The following SNTG1 variants were observed in gnomAD, a reference collection of about 807,000 sequenced individuals.
SNTG1 encodes syntrophin gamma 1, also known as gamma-1-syntrophin.
A neutral mutation model predicts 74.7 loss-of-function variants in SNTG1; 39 were observed. The ratio of observed to expected loss-of-function variants is 0.52; its 90% CI spans 0.40 to 0.68. The LOEUF (loss-of-function observed/expected upper bound fraction) is 0.68, where lower values mean the gene tolerates loss of function less well. SNTG1 is among the 30% of genes least tolerant of loss of function. The probability of loss-of-function intolerance (pLI) is 0.00; values close to 1 mark genes in which losing one functional copy is unlikely to be tolerated. For synonymous variants in SNTG1, 254 were observed against 217.1 expected (o/e 1.17, Z -1.49); for missense variants, 685 against 609.5 (o/e 1.12, Z -1.30).
intron 1 of SNTG1, among the ~76,000 whole-genome samples, chr8:50,052,341 T>C (rs1036997610): frequency 2.6e-5 from 4 of 152,108 alleles, no homozygotes; most frequent in Non-Finnish European, 5.9e-5. Flanking sequence ...AGTATTTTTA[T>C]CCAACGGCAC....
At chr8:49,928,440 A>G (rs1807247538) in intron 1 of SNTG1, among the ~76,000 whole-genome samples, 1 of 151,958 alleles carries the variant, frequency 6.6e-6, no homozygotes, top group Non-Finnish European at 1.5e-5. Context: ...CATATTGGCC[A>G]GGCTGCTCTC....
At chr8:50,277,960 G>C (rs2088210264) in intron 2 of SNTG1, among the ~76,000 whole-genome samples, 1 of 152,174 alleles carries the variant, frequency 6.6e-6, no homozygotes, top group Non-Finnish European at 1.5e-5. Flanking sequence ...GATCACTTGA[G>C]GTCAGGAGTT....
rs141102503 is a variant in SNTG1 at position 50,608,655 on chromosome 8, A to G, written c.849+17738A>G. 5.0e-3 allele frequency among the ~76,000 whole-genome samples: 759 copies of G among 151,964 alleles called. 7 individuals carry two copies. The highest frequency in any genetic ancestry group is 0.017 in the African/African-American group (708 of 41,544). The stretch of plus-strand genomic sequence containing the variant: ...GTTATGTGTGTTTTTTTAAATTCAG[A>G]CTGACAATATCTACCATTTGATTAA... On this transcript the variant is annotated intron_variant, in intron 13 of 18. Coordinates refer to ENST00000642720, the MANE Select transcript of SNTG1 (RefSeq NM_018967.5).
Position 50,697,684 on chromosome 8 carries a change from T to C in SNTG1, c.1039-6916T>C, listed in dbSNP as rs145350788. Among the ~76,000 whole-genome samples, 555 of 152,324 alleles carry C rather than the reference T, an allele frequency of 3.6e-3. 7 individuals carry two copies. Among genetic ancestry groups the C allele is most frequent in the African/African-American group, 0.013 (520 of 41,586 alleles). ...TTAAAAAATTCTTTTTCTGTGTCTA[T>C]TGAGATGATCATATGATTTTTGGCC... On this transcript the variant is annotated intron_variant, in intron 15 of 18. Transcript: ENST00000642720.
At chr8:50,771,599 G>A (rs1296449940) in intron 18 of SNTG1, among the ~76,000 whole-genome samples, 1 of 152,108 alleles carries the variant, frequency 6.6e-6, no homozygotes, top group African/African-American at 2.4e-5. Context: ...GGTGCTGAGG[G>A]TTGGGTCCAG....
chr8:50,106,676 C>T (rs2131275965), intron 1 of SNTG1, among the ~76,000 whole-genome samples: 1 of 152,188 alleles, frequency 6.6e-6, no homozygotes, highest in South Asian at 2.1e-4. Flanking sequence ...TCGTGTGTTT[C>T]TGTTTTTAGT....
chr8:50,149,887 G>T (rs2082003646), intron 1 of SNTG1, among the ~76,000 whole-genome samples: 2 of 152,050 alleles, frequency 1.3e-5, no homozygotes, highest in African/African-American at 2.4e-5. Context: ...TTCTTTTTTG[G>T]TTCCATATGA....
At chr8:50,375,272 T>C (rs2092354411) in intron 2 of SNTG1, among the ~76,000 whole-genome samples, 1 of 152,088 alleles carries the variant, frequency 6.6e-6, no homozygotes, top group South Asian at 2.1e-4. Flanking sequence ...TTCAGGCACA[T>C]GGTTGGGCAC....
chr8:50,435,329 T>C (rs1045451622), intron 4 of SNTG1, among the ~76,000 whole-genome samples: 1 of 152,200 alleles, frequency 6.6e-6, no homozygotes, highest in Non-Finnish European at 1.5e-5. Context: ...GACAATACTT[T>C]GGTCTCCCAA....
At chr8:50,678,738 C>T (rs2095319387) in intron 15 of SNTG1, among the ~76,000 whole-genome samples, 2 of 151,960 alleles carry the variant, frequency 1.3e-5, no homozygotes, top group African/African-American at 4.8e-5. Flanking sequence ...CAAAATTTAC[C>T]TTTGGGATTA....
At chr8:50,152,833 T>G (rs2082116571) in intron 1 of SNTG1, among the ~76,000 whole-genome samples, 2 of 152,216 alleles carry the variant, frequency 1.3e-5, no homozygotes, top group South Asian at 4.1e-4. Flanking sequence ...TGGCTGCCCT[T>G]AACATTTTTT....
intron 1 of SNTG1, among the ~76,000 whole-genome samples, chr8:49,967,727 T>C (rs551849585): frequency 6.6e-5 from 10 of 152,236 alleles, no homozygotes; most frequent in Non-Finnish European, 1.5e-4. Context: ...TAAGTGTTAA[T>C]TATCACTGAA....
At chr8:50,712,658 C>A (rs1464466137) in intron 17 of SNTG1, among the ~76,000 whole-genome samples, 4 of 150,960 alleles carry the variant, frequency 2.6e-5, no homozygotes, top group East Asian at 2.0e-4. Flanking sequence ...CTCCCCATAT[C>A]CCCACCCCTC....
At chr8:50,113,641 A>G (rs1364368050) in intron 1 of SNTG1, among the ~76,000 whole-genome samples, 1 of 152,138 alleles carries the variant, frequency 6.6e-6, no homozygotes, top group African/African-American at 2.4e-5. Context: ...GTGGTGAGAG[A>G]GGGCATCCCT....
intron 1 of SNTG1, among the ~76,000 whole-genome samples, chr8:49,924,198 A>G (rs191974466): frequency 6.6e-6 from 1 of 152,326 alleles, no homozygotes; most frequent in African/African-American, 2.4e-5. Flanking sequence ...TTATAAAATA[A>G]GTTTCACCGG....
intron 2 of SNTG1, among the ~76,000 whole-genome samples, chr8:50,175,003 G>A (rs571102926): frequency 6.6e-6 from 1 of 151,704 alleles, no homozygotes; most frequent in African/African-American, 2.4e-5. Context: ...GAGAATGATG[G>A]TTTCCATCTT....
chr8:50,226,663 G>GCC (rs571827033), intron 2 of SNTG1, among the ~76,000 whole-genome samples: 60 of 151,854 alleles, frequency 4.0e-4, no homozygotes, highest in African/African-American at 1.3e-3. Context: ...TAATCTGGAA[G>GCC]CCCCCCCACC....
At chr8:50,062,178 G>A (rs1182977809) in intron 1 of SNTG1, among the ~76,000 whole-genome samples, 1 of 151,948 alleles carries the variant, frequency 6.6e-6, no homozygotes, top group African/African-American at 2.4e-5. Flanking sequence ...TGAGTAGCTG[G>A]GAGTATAGGT....
chr8:50,093,834 G>T (rs2079832287), intron 1 of SNTG1, among the ~76,000 whole-genome samples: 1 of 152,092 alleles, frequency 6.6e-6, no homozygotes, highest in South Asian at 2.1e-4. Context: ...AAGAGACATG[G>T]GATAGGAAGA....
Sources: gnomAD v4.1 joint callset for allele counts (sites outside exome capture counted in the v4.1 genomes callset) on GRCh38, gnomAD v4.1.1 for gene constraint, MANE v1.5 for transcripts, NCBI Gene and HGNC (gene_info 2026-07-23, HGNC 2026-07-21) for gene names.